C12orf56: variants seen among roughly 807,000 people sequenced by gnomAD.
C12orf56 encodes chromosome 12 open reading frame 56, also known as uncharacterized protein C12orf56.
A neutral mutation model predicts 69.9 loss-of-function variants in C12orf56; 71 were observed. That is an observed-to-expected ratio of 1.02 (90% CI 0.84 to 1.24). The LOEUF (loss-of-function observed/expected upper bound fraction) is 1.24, where lower values mean the gene tolerates loss of function less well. Ranked by LOEUF, C12orf56 falls within the 50% of genes most tolerant of loss-of-function variation. The probability of loss-of-function intolerance (pLI) is 0.00; values close to 1 mark genes in which losing one functional copy is unlikely to be tolerated. For synonymous variants in C12orf56, 276 were observed against 274.1 expected, an observed-to-expected ratio of 1.01 and a Z score of -0.07; for missense variants, 732 against 738.5, an observed-to-expected ratio of 0.99 and a Z score of 0.10.
At chr12:64,300,442 C>T (rs920789849) in intron 6 of C12orf56, among the ~76,000 whole-genome samples, 20 of 152,150 alleles carry the variant, frequency 1.3e-4, no homozygotes, top group African/African-American at 4.8e-4. Context: ...TAGGAATACA[C>T]ATCAACATCC....
At chr12:64,344,353 A>G (rs1161563874) in intron 2 of C12orf56, among the ~76,000 whole-genome samples, 1 of 152,176 alleles carries the variant, frequency 6.6e-6, no homozygotes, top group African/African-American at 2.4e-5. Flanking sequence ...TCATAATTCA[A>G]ATTAGTCTTT....
At chr12:64,351,191 T>G (rs2039217569) in intron 2 of C12orf56, among the ~76,000 whole-genome samples, 1 of 152,144 alleles carries the variant, frequency 6.6e-6, no homozygotes, top group Non-Finnish European at 1.5e-5. Flanking sequence ...TGCACCCAAA[T>G]CTTAGCAAGC....
At chr12:64,343,492 T>G (rs532472965) in intron 2 of C12orf56, among the ~76,000 whole-genome samples, 2 of 152,336 alleles carry the variant, frequency 1.3e-5, no homozygotes, top group East Asian at 3.9e-4. Flanking sequence ...AAATTACTTC[T>G]GGTGGGCCTA....
intron 11 of C12orf56, among the ~76,000 whole-genome samples, chr12:64,271,532 C>T (rs2037990827): frequency 6.6e-6 from 1 of 152,142 alleles, no homozygotes; most frequent in African/African-American, 2.4e-5. Flanking sequence ...CCTTTTCAAA[C>T]TCTAACCAAC....
chr12:64,296,894 T>A (rs2038373476), intron 6 of C12orf56, among the ~76,000 whole-genome samples: 1 of 151,762 alleles, frequency 6.6e-6, no homozygotes, highest in African/African-American at 2.4e-5. Context: ...TGCATGCTCT[T>A]TTGCCCTCTG....
chr12:64,305,189 A>C (rs1255760156), intron 5 of C12orf56, among the ~76,000 whole-genome samples: 1 of 152,194 alleles, frequency 6.6e-6, no homozygotes, highest in African/African-American at 2.4e-5. Context: ...ATCATTATGA[A>C]TTCAATAATA....
Position 64,353,158 on chromosome 12 carries a change from C to CAT in C12orf56, c.253-104_253-103dup, listed in dbSNP as rs375753607. ...GCTAACAGCAAGTTTTTTTTTTCCA[C>CAT]ATATATATATATTTTTCAAAACGGA... On this transcript the variant is annotated intron_variant, in intron 1 of 12. Transcript: ENST00000543942. The CAT allele has an allele frequency of 1.0e-3, 1,110 of 1,095,246 alleles. 7 individuals carry two copies. In the South Asian group the frequency reaches 0.011, roughly 11 times the overall value. 67.8% of individuals were successfully genotyped at this position (1,095,246 alleles called of 1,614,324 possible). A position where few individuals can be genotyped will look rare whatever the true frequency, so the allele number is the denominator to read the frequency against.
chr12:64,350,652 G>C (rs914111012), intron 2 of C12orf56, among the ~76,000 whole-genome samples: 5 of 152,150 alleles, frequency 3.3e-5, no homozygotes, highest in Admixed American at 6.5e-5. Context: ...CCATGCTCTT[G>C]GGACCTCAAA....
At chr12:64,298,420 A>G (rs1264080798) in intron 6 of C12orf56, among the ~76,000 whole-genome samples, 1 of 152,150 alleles carries the variant, frequency 6.6e-6, no homozygotes, top group Non-Finnish European at 1.5e-5. Flanking sequence ...TTTTGTTGCC[A>G]TTGCTTTTGA....
At chr12:64,269,025 A>C in intron 12 of C12orf56, among the ~76,000 whole-genome samples, 1 of 151,948 alleles carries the variant, frequency 6.6e-6, no homozygotes, top group East Asian at 1.9e-4. Flanking sequence ...AGTCCCAACT[A>C]CTCAGGAGGC....
At chr12:64,360,267 A>C (rs1447170178) in intron 1 of C12orf56, among the ~76,000 whole-genome samples, 1 of 151,436 alleles carries the variant, frequency 6.6e-6, no homozygotes, top group South Asian at 2.1e-4. Flanking sequence ...TCTACTAAAA[A>C]TACAAAAATT....
At chr12:64,268,142 A>T (rs1174034218) in intron 12 of C12orf56, among the ~76,000 whole-genome samples, 1 of 152,236 alleles carries the variant, frequency 6.6e-6, no homozygotes, top group African/African-American at 2.4e-5. Flanking sequence ...AGATAATTCC[A>T]ATGCAATGTG....
chr12:64,354,229 T>C (rs2039275424), intron 1 of C12orf56, among the ~76,000 whole-genome samples: 1 of 152,218 alleles, frequency 6.6e-6, no homozygotes, highest in Non-Finnish European at 1.5e-5. Flanking sequence ...AGATCTTCTC[T>C]GCAACAGCCT....
chr12:64,389,063 C>G (rs2039831705), intron 1 of C12orf56: 1 of 152,056 alleles, frequency 6.6e-6, no homozygotes, highest in East Asian at 1.9e-4. Flanking sequence ...GACTCCTCAG[C>G]AAAACAGCTC....
chr12:64,311,227 G>A (rs2136822921), intron 5 of C12orf56, among the ~76,000 whole-genome samples: 1 of 152,096 alleles, frequency 6.6e-6, no homozygotes, highest in South Asian at 2.1e-4. Flanking sequence ...ACAAGGTCAG[G>A]AGTTCGAGAC....
At chr12:64,384,451 A>C (rs1224858143) in intron 1 of C12orf56, among the ~76,000 whole-genome samples, 1 of 152,216 alleles carries the variant, frequency 6.6e-6, no homozygotes, top group Non-Finnish European at 1.5e-5. Flanking sequence ...GTGTTCAATA[A>C]TGTCACCAAG....
chr12:64,357,639 G>T (rs966743088), intron 1 of C12orf56, among the ~76,000 whole-genome samples: 1 of 152,024 alleles, frequency 6.6e-6, no homozygotes, highest in Non-Finnish European at 1.5e-5. Context: ...GCTCACACCT[G>T]TAATCCCAAC....
intron 5 of C12orf56, among the ~76,000 whole-genome samples, chr12:64,311,424 A>T (rs1248886557): frequency 1.3e-5 from 2 of 151,964 alleles, no homozygotes; most frequent in Non-Finnish European, 1.5e-5. Flanking sequence ...AAAAAAAAAA[A>T]CAAAAACAGA....
chr12:64,372,257 G>A (rs1229575589), intron 1 of C12orf56, among the ~76,000 whole-genome samples: 1 of 152,084 alleles, frequency 6.6e-6, no homozygotes, highest in East Asian at 1.9e-4. Flanking sequence ...GAGTTCATTT[G>A]TAAGCAAGTA....
Sources: gnomAD v4.1 joint callset for allele counts (sites outside exome capture counted in the v4.1 genomes callset) on GRCh38, gnomAD v4.1.1 for gene constraint, MANE v1.5 for transcripts, NCBI Gene and HGNC (gene_info 2026-07-23, HGNC 2026-07-21) for gene names.